CDON: variants seen among roughly 807,000 people sequenced by gnomAD.
The protein encoded by CDON is cell adhesion associated, oncogene regulated, also known as cell adhesion molecule-related/down-regulated by oncogenes.
A neutral mutation model predicts 120.9 loss-of-function variants in CDON; 73 were observed. The ratio of observed to expected loss-of-function variants is 0.60; its 90% CI spans 0.50 to 0.73. The LOEUF (loss-of-function observed/expected upper bound fraction) is 0.73, where lower values mean the gene tolerates loss of function less well. Ranked by LOEUF, CDON falls within the 30% of genes least tolerant of loss-of-function variation. The probability of loss-of-function intolerance (pLI) is 0.00; values close to 1 mark genes in which losing one functional copy is unlikely to be tolerated. For synonymous variants in CDON, 566 were observed against 573.5 expected (o/e 0.99, Z 0.19); for missense variants, 1,470 against 1,587.3 (o/e 0.93, Z 1.26).
chr11:125,988,044 C>G (rs1228188531), intron 15 of CDON, among the ~76,000 whole-genome samples: 1 of 152,134 alleles, frequency 6.6e-6, no homozygotes, highest in Non-Finnish European at 1.5e-5. Context: ...CTGTAGAGAC[C>G]CTGATGGCTG....
chr11:126,018,565 A>G (rs1343669177), intron 4 of CDON, 92 bp from the exon 5 acceptor site: 2 of 1,091,362 alleles, frequency 1.8e-6, no homozygotes, highest in East Asian at 2.4e-5. Flanking sequence ...ATTATGCTCT[A>G]TTCCATCTTA....
intron 18 of CDON, among the ~76,000 whole-genome samples, chr11:125,964,787 T>G (rs562014752): frequency 6.6e-6 from 1 of 152,288 alleles, no homozygotes; most frequent in Non-Finnish European, 1.5e-5. Flanking sequence ...TGCATCAGAC[T>G]CAATCATCTC....
chr11:125,980,541 A>G (rs935714157), intron 17 of CDON, among the ~76,000 whole-genome samples: 2 of 152,200 alleles, frequency 1.3e-5, no homozygotes, highest in Admixed American at 1.3e-4. Flanking sequence ...GAGGTTTTGA[A>G]AAATCAGAAA....
At position 126,018,451 on chromosome 11, in the gene CDON, TG is replaced by T. The variant is rs1227187071; in HGVS notation, c.518del (p.Ser173Ter). The T allele has an allele frequency of 6.2e-7, 1 of 1,613,932 alleles. No homozygotes were observed. The highest frequency in any genetic ancestry group is 2.2e-5 in the East Asian group (1 of 44,858). The part of the protein sequence containing the change: ...HSTENYLILP[S>X]GNLQILNVSL... Reference sequence around the variant, plus strand: ...ATACATTCAAAATCTGAAGATTTCCTGATGGAAGGATTAAGTAATTCTCTGA... The same window carrying T: ...ATACATTCAAAATCTGAAGATTTCCTATGGAAGGATTAAGTAATTCTCTGA... On this transcript the variant is annotated frameshift_variant, in exon 5 of 20. Transcript: ENST00000531738. LOFTEE classifies it high-confidence loss of function.
At chr11:125,991,944 T>C (rs1946641344) in intron 14 of CDON, among the ~76,000 whole-genome samples, 1 of 152,172 alleles carries the variant, frequency 6.6e-6, no homozygotes, top group Non-Finnish European at 1.5e-5. Context: ...AATATGCATA[T>C]TACAGAATTT....
At chr11:126,032,382 T>C (rs1390215165) in intron 1 of CDON, among the ~76,000 whole-genome samples, 1 of 151,884 alleles carries the variant, frequency 6.6e-6, no homozygotes, top group African/African-American at 2.4e-5. Context: ...TAAGGATGTC[T>C]GGGCTGGAAA....
intron 11 of CDON, among the ~76,000 whole-genome samples, chr11:125,998,560 T>C (rs1476914870): frequency 6.6e-6 from 1 of 152,066 alleles, no homozygotes; most frequent in African/African-American, 2.4e-5. Flanking sequence ...TTTAGAACCA[T>C]GAGCCAAATA....
rs942433699 is a variant in CDON, at chr11:125,959,851, C to T, written c.*1091G>A. The T allele has an allele frequency of 6.6e-6, 1 of 152,160 alleles. No individual in the cohort carries two copies. The highest frequency in any genetic ancestry group is 6.5e-5 in the Admixed American group (1 of 15,274). 9.4% of individuals were successfully genotyped at this position (152,160 alleles called of 1,614,324 possible). ...ATGTGTATCTTTCTCTTCAAGCCAC[C>T]ATTTAATGTCTTATTTTGTTCCTAC... On this transcript the variant is annotated 3_prime_UTR_variant, in exon 20 of 20. Transcript: ENST00000531738.
intron 15 of CDON, among the ~76,000 whole-genome samples, chr11:125,984,302 T>C (rs1199302852): frequency 6.6e-6 from 1 of 152,170 alleles, no homozygotes; most frequent in Admixed American, 6.5e-5. Context: ...TTTAGAGAAA[T>C]CCTAAAGGCA....
At chr11:126,016,512 A>C (rs1244782432) in intron 6 of CDON, among the ~76,000 whole-genome samples, 1 of 152,136 alleles carries the variant, frequency 6.6e-6, no homozygotes, top group Non-Finnish European at 1.5e-5. Flanking sequence ...AGCTCACTGC[A>C]ACCTCCACCT....
chr11:125,970,225 A>C (rs1591547986), intron 18 of CDON, among the ~76,000 whole-genome samples: 1 of 131,646 alleles, frequency 7.6e-6, no homozygotes, highest in Non-Finnish European at 1.5e-5. Flanking sequence ...GCCAGGCTGG[A>C]GTGCAGTGGC....
chr11:126,044,408 G>A (rs1027998610), intron 1 of CDON, among the ~76,000 whole-genome samples: 1 of 152,134 alleles, frequency 6.6e-6, no homozygotes, highest in African/African-American at 2.4e-5. Context: ...AAAGAAATCA[G>A]TATAATATAT....
chr11:126,017,069 T>C lies in CDON; in HGVS notation c.928+19A>G, dbSNP rs371677324. On this transcript the variant is annotated intron_variant, in intron 6 of 19. Transcript: ENST00000531738. Reference sequence around the variant, plus strand: ...GAAAAATGGCTTCATTTGAAAAAAATTAAAAACTAACATCTTACCAAGTAC... The same window carrying C: ...GAAAAATGGCTTCATTTGAAAAAAACTAAAAACTAACATCTTACCAAGTAC... 1.1e-5 allele frequency: 18 copies of C among 1,609,798 alleles called. No homozygotes were observed. Among genetic ancestry groups the C allele is most frequent in the East Asian group, 2.2e-5 (1 of 44,848 alleles).
intron 1 of CDON, among the ~76,000 whole-genome samples, chr11:126,037,488 GA>G (rs1948131801): frequency 6.6e-6 from 1 of 152,116 alleles, no homozygotes; most frequent in South Asian, 2.1e-4. Flanking sequence ...TTCATTTATA[GA>G]GCAAAAATAT....
At chr11:125,961,596 A>G (rs1215530349) in intron 19 of CDON, 128 bp downstream of exon 19, 7 of 1,290,838 alleles carry the variant, frequency 5.4e-6, no homozygotes, top group African/African-American at 1.5e-5. Flanking sequence ...CCAGCACCCC[A>G]CCCAGTCTCC....
chr11:126,038,671 G>A (rs1948170045), intron 1 of CDON, among the ~76,000 whole-genome samples: 1 of 150,910 alleles, frequency 6.6e-6, no homozygotes. Context: ...AAAAAAAAAA[G>A]AATCTCTGGT....
intron 1 of CDON, among the ~76,000 whole-genome samples, chr11:126,045,186 C>G (rs966524165): frequency 3.9e-5 from 6 of 152,106 alleles, no homozygotes; most frequent in African/African-American, 1.4e-4. Flanking sequence ...CCACCATGTC[C>G]AGTTAATTTT....
At chr11:125,982,512 G>A (rs1946342135) in intron 16 of CDON, among the ~76,000 whole-genome samples, 1 of 152,128 alleles carries the variant, frequency 6.6e-6, no homozygotes, top group Non-Finnish European at 1.5e-5. Flanking sequence ...TCTCGCCCAG[G>A]TGTGTAGTCT....
At chr11:126,011,487 G>A (rs1322282892) in intron 7 of CDON, among the ~76,000 whole-genome samples, 1 of 152,092 alleles carries the variant, frequency 6.6e-6, no homozygotes, top group Non-Finnish European at 1.5e-5. Context: ...GGACTAATGA[G>A]GCTGAACATC....
Sources: allele counts gnomAD v4.1 joint callset (sites outside exome capture counted in the v4.1 genomes callset), GRCh38; gene constraint gnomAD v4.1.1; transcripts MANE v1.5; gene names NCBI Gene and HGNC (gene_info 2026-07-23, HGNC 2026-07-21).